The following PTPRG variants were observed in gnomAD, a reference collection of about 807,000 sequenced individuals.
The protein encoded by PTPRG is receptor-type tyrosine-protein phosphatase gamma.
PTPRG carries 102 observed loss-of-function variants against 165.3 expected under a neutral mutation model. The observed-to-expected ratio is 0.62, with a 90% confidence interval of 0.53 to 0.73. The LOEUF (loss-of-function observed/expected upper bound fraction) is 0.73. PTPRG is among the 30% of genes least tolerant of loss of function. The pLI is 0.00. For synonymous variants in PTPRG, 675 were observed against 669.5 expected (o/e 1.01, Z -0.13); for missense variants, 1,866 against 1,861.4 (o/e 1.00, Z -0.05).
Position 61,738,933 on chromosome 3 carries a change from C to T in PTPRG, c.86-9945C>T, listed in dbSNP as rs1247627254. 5.8e-5 allele frequency among the ~76,000 whole-genome samples: 7 copies of T among 119,806 alleles called. No homozygotes were observed. The South Asian group carries it at 1.7e-3, about 30-fold the overall frequency. The allele number at this position is 119,806 out of a possible 152,430, so 78.6% of individuals were successfully genotyped here. A position where few individuals can be genotyped will look rare whatever the true frequency, so the allele number is the denominator to read the frequency against. On this transcript the variant is annotated intron_variant, in intron 1 of 29. Coordinates refer to ENST00000474889, the MANE Select transcript of PTPRG (RefSeq NM_002841.4). ...GGAACCACCTTGCCTGGCTAATTTT[C>T]ATTTTTATTTTTGTAGAGATGGGGT...
intron 15 of PTPRG, among the ~76,000 whole-genome samples, chr3:62,248,663 A>G (rs1432678717): frequency 6.6e-6 from 1 of 152,230 alleles, no homozygotes; most frequent in Non-Finnish European, 1.5e-5. Flanking sequence ...TTTAGAAATC[A>G]GAACTTAGCT....
chr3:62,267,387 T>G (rs189694503), intron 17 of PTPRG, 23 bp from the exon 18 acceptor site: 115 of 1,513,426 alleles, frequency 7.6e-5, no homozygotes, highest in Middle Eastern at 1.9e-4. Context: ...TTTATTTCTG[T>G]TTTTTTTTCT....
At chr3:61,831,700 G>A (rs143392968) in intron 2 of PTPRG, among the ~76,000 whole-genome samples, 247 of 152,290 alleles carry the variant, frequency 1.6e-3, no homozygotes, top group Middle Eastern at 6.8e-3. Context: ...AATGACCATG[G>A]AAATAGAGAA....
chr3:62,255,286 A>T lies in PTPRG; in HGVS notation c.2559+71A>T. 8.4e-7 allele frequency: 1 copy of T among 1,190,460 alleles called. No individual in the cohort carries two copies. The highest frequency in any genetic ancestry group is 1.2e-6 in the Non-Finnish European group (1 of 817,360). 73.7% of individuals were successfully genotyped at this position (1,190,460 alleles called of 1,614,324 possible). On this transcript the variant is annotated intron_variant, in intron 16 of 29. Transcript: ENST00000474889. The surrounding 1 kb of genome is among the most constrained non-coding windows in gnomAD (Gnocchi z 4.0). ...CTTTATGCAGATTTTTGTAAACTTG[A>T]ACTGAATTCATTCCAAGCATAACAA...
At chr3:62,021,422 TAGTC>T (rs2107761092) in intron 4 of PTPRG, among the ~76,000 whole-genome samples, 1 of 152,338 alleles carries the variant, frequency 6.6e-6, no homozygotes, top group African/African-American at 2.4e-5. Flanking sequence ...AAGCCAACAT[TAGTC>T]AGAACATCTG....
intron 2 of PTPRG, among the ~76,000 whole-genome samples, chr3:61,955,909 ATTTG>A (rs1216357608): frequency 7.9e-5 from 12 of 152,098 alleles, no homozygotes; most frequent in African/African-American, 2.9e-4. Context: ...CAGAAATCTT[ATTTG>A]TTCTTTACTC....
At chr3:61,810,431 G>A (rs2107206684) in intron 2 of PTPRG, among the ~76,000 whole-genome samples, 1 of 152,330 alleles carries the variant, frequency 6.6e-6, no homozygotes, top group Admixed American at 6.5e-5. Context: ...GAATGGACAA[G>A]AACCAGATAA....
chr3:61,656,969 A>G lies in PTPRG; in HGVS notation c.86-91909A>G, dbSNP rs372023612. Among the ~76,000 whole-genome samples, 101 of 152,316 alleles carry G rather than the reference A, an allele frequency of 6.6e-4. 1 individual carries two copies. The South Asian group carries it at 0.017, about 25-fold the overall frequency. ...GAGAGAAGATTCCTTTCCCTTACAC[A>G]TCAAAAAGTTCATGGCTGAGGCCCC... On this transcript the variant is annotated intron_variant, in intron 1 of 29. Transcript: ENST00000474889.
At chr3:62,198,769 C>T (rs1309828828) in intron 10 of PTPRG, among the ~76,000 whole-genome samples, 1 of 152,196 alleles carries the variant, frequency 6.6e-6, no homozygotes, top group Non-Finnish European at 1.5e-5. Context: ...AAAATAGCTA[C>T]AACAACTCTA....
chr3:61,804,428 T>C (rs1200425299), intron 2 of PTPRG, among the ~76,000 whole-genome samples: 1 of 152,224 alleles, frequency 6.6e-6, no homozygotes, highest in Non-Finnish European at 1.5e-5. Flanking sequence ...ATCTTAGCTT[T>C]CAAGCTGCCA....
chr3:62,257,298 C>T (rs541132256), intron 16 of PTPRG, among the ~76,000 whole-genome samples: 60 of 151,948 alleles, frequency 3.9e-4, no homozygotes, highest in African/African-American at 1.3e-3. Context: ...GAAGCTATTA[C>T]GGCTATTTTA....
At chr3:61,995,721 T>C (rs960068432) in intron 3 of PTPRG, among the ~76,000 whole-genome samples, 19 of 137,566 alleles carry the variant, frequency 1.4e-4, no homozygotes, top group Admixed American at 1.2e-3. Flanking sequence ...CCTTCCTTCC[T>C]TCCTTCCTTC....
chr3:62,202,223 T>C, intron 11 of PTPRG, among the ~76,000 whole-genome samples: 1 of 152,168 alleles, frequency 6.6e-6, no homozygotes, highest in East Asian at 1.9e-4. Flanking sequence ...CTTGTTTTCC[T>C]AAGATACCTT....
chr3:62,157,802 A>G (rs957068838), intron 7 of PTPRG, among the ~76,000 whole-genome samples: 1 of 152,350 alleles, frequency 6.6e-6, no homozygotes, highest in South Asian at 2.1e-4. Flanking sequence ...ATTTGTGGAC[A>G]TGGAGAAATG....
At chr3:62,275,356 G>GA (rs11401343) in intron 23 of PTPRG, among the ~76,000 whole-genome samples, 152,317 of 152,320 alleles carry the variant, frequency 1, 76,157 homozygotes, top group Middle Eastern at 1. Context: ...TGCCAGTGAG[G>GA]ATCACAGAAA....
intron 2 of PTPRG, among the ~76,000 whole-genome samples, chr3:61,914,811 T>G (rs2038894338): frequency 6.6e-6 from 1 of 152,224 alleles, no homozygotes; most frequent in Admixed American, 6.5e-5. Context: ...TCATGAACTC[T>G]CCTTTGATGA....
intron 8 of PTPRG, among the ~76,000 whole-genome samples, chr3:62,176,416 C>G (rs139700913): frequency 6.6e-6 from 1 of 152,294 alleles, no homozygotes; most frequent in Non-Finnish European, 1.5e-5. Context: ...TATGTCCAAA[C>G]GCAATATTTC....
intron 6 of PTPRG, among the ~76,000 whole-genome samples, chr3:62,141,898 CA>C (rs200264574): frequency 6.7e-6 from 1 of 148,522 alleles, no homozygotes; most frequent in Non-Finnish European, 1.5e-5. Flanking sequence ...AAAACTGTCT[CA>C]AAAAAAAAGA....
At chr3:62,138,764 G>A (rs773367002) in intron 6 of PTPRG, among the ~76,000 whole-genome samples, 2 of 149,144 alleles carry the variant, frequency 1.3e-5, no homozygotes, top group African/African-American at 2.5e-5. Flanking sequence ...TGCATTATAC[G>A]TCGCTTCTCG....
Sources: allele counts gnomAD v4.1 joint callset (sites outside exome capture counted in the v4.1 genomes callset), GRCh38; gene constraint gnomAD v4.1.1; non-coding constraint Gnocchi (gnomAD v3.1); transcripts MANE v1.5; gene names NCBI Gene and HGNC (gene_info 2026-07-23, HGNC 2026-07-21).